Variants in ZNF800 observed in about 807,000 individuals in gnomAD.
ZNF800 encodes zinc finger protein 800.
A neutral mutation model predicts 59.5 loss-of-function variants in ZNF800; 13 were observed. The observed-to-expected ratio is 0.22, with a 90% CI of 0.14 to 0.35. The LOEUF (loss-of-function observed/expected upper bound fraction) is 0.35. Ranked by LOEUF, ZNF800 falls within the 10% of genes least tolerant of loss-of-function variation. The pLI is 1.00. For missense variants in ZNF800, 621 were observed against 783.7 expected (o/e 0.79, Z 2.48); for synonymous variants, 266 against 265.7 (o/e 1.00, Z -0.01).
intron 1 of ZNF800, chr7:127,351,323 T>C (rs183992432): frequency 9.8e-5 from 15 of 152,384 alleles, no homozygotes; most frequent in Admixed American, 3.9e-4. Context: ...GTCTCTTTCA[T>C]TAAGCTTTCC....
chr7:127,391,971 T>C (rs1298052530), intron 1 of ZNF800, 89 bp downstream of exon 1: 1 of 380,246 alleles, frequency 2.6e-6, no homozygotes, highest in Admixed American at 4.5e-5. Flanking sequence ...CGCCGGCTGC[T>C]GGCCCACGCC....
chr7:127,384,257 A>T (rs17864208), intron 3 of ZNF800, among the ~76,000 whole-genome samples: 1 of 37,818 alleles, frequency 2.6e-5, no homozygotes, highest in East Asian at 3.5e-3. Context: ...TTTTTTAGAC[A>T]GAGTCTCACT....
chr7:127,364,872 G>A (rs1448933601), intron 1 of ZNF800: 1 of 152,110 alleles, frequency 6.6e-6, no homozygotes, highest in Non-Finnish European at 1.5e-5. Context: ...AGGAAGCAAA[G>A]ATGGGGTTGA....
intron 2 of ZNF800, among the ~76,000 whole-genome samples, chr7:127,390,364 A>C (rs1801271901): frequency 6.6e-6 from 1 of 152,184 alleles, no homozygotes; most frequent in South Asian, 2.1e-4. Flanking sequence ...GTTCAATAGA[A>C]ACTGGATCCC....
chr7:127,375,585 G>C (rs1442439542), intron 4 of ZNF800, among the ~76,000 whole-genome samples: 1 of 152,034 alleles, frequency 6.6e-6, no homozygotes, highest in African/African-American at 2.4e-5. Context: ...ATGATGTGTA[G>C]AAGTATTTGC....
At chr7:127,360,110 T>C (rs891040094) in intron 1 of ZNF800, 5 of 152,030 alleles carry the variant, frequency 3.3e-5, no homozygotes, top group African/African-American at 1.2e-4. Flanking sequence ...CATATATATG[T>C]TAAGGTTTGA....
At chr7:127,386,178 C>T in intron 2 of ZNF800, 23 bp from the exon 3 acceptor site, 2 of 1,411,602 alleles carry the variant, frequency 1.4e-6, no homozygotes, top group Middle Eastern at 1.8e-4. Flanking sequence ...CAAACACCCA[C>T]CCCAATCCCC....
At chr7:127,391,407 C>G in intron 2 of ZNF800, 90 bp downstream of exon 2, 1 of 1,262,794 alleles carries the variant, frequency 7.9e-7, no homozygotes, top group Admixed American at 1.7e-5. Flanking sequence ...AGAATGACTA[C>G]TGGGGCAGGA....
Position 127,373,547 on chromosome 7 carries a change from T to A in ZNF800, c.1789A>T (p.Ser597Cys). 1 of 1,614,186 alleles carries A rather than the reference T, an allele frequency of 6.2e-7. No homozygotes were observed. The highest frequency in any genetic ancestry group is 2.2e-5 in the East Asian group (1 of 44,878). ...SKHDGTSNSP[S>C]KKYEVADVGI... ...ACGTCAGCTACTTCATACTTTTTAC[T>A]AGGAGAGTTAGAAGTGCCATCATGT... is the stretch of plus-strand genomic sequence containing the variant. Residue 597 changes from serine (S) to cysteine (C), a missense_variant, in exon 5 of 6, where the codon AGT (serine) becomes TGT (cysteine). By Grantham distance (112) the Ser-to-Cys change is moderately radical (BLOSUM62 -1). Coordinates refer to ENST00000265827, the MANE Select transcript of ZNF800 (RefSeq NM_176814.5).
intron 1 of ZNF800, among the ~76,000 whole-genome samples, chr7:127,354,729 T>C (rs1800234749): frequency 1.3e-5 from 2 of 152,252 alleles, no homozygotes; most frequent in African/African-American, 4.8e-5. Flanking sequence ...CTTTAAGAGA[T>C]AGCTGGCTTC....
intron 3 of ZNF800, among the ~76,000 whole-genome samples, chr7:127,384,140 A>G (rs1038870443): frequency 1.3e-5 from 2 of 149,556 alleles, no homozygotes; most frequent in Non-Finnish European, 3.0e-5. Flanking sequence ...TTAATTCTGT[A>G]CCCACACAGA....
intron 1 of ZNF800, among the ~76,000 whole-genome samples, chr7:127,358,962 A>C (rs186129056): frequency 2.6e-4 from 39 of 152,276 alleles, no homozygotes; most frequent in Admixed American, 1.1e-3. Context: ...TATTATTACT[A>C]ATCTGTCCCC....
In ZNF800 at chr7:127,373,990, T is replaced by G. The variant is rs748580799; in HGVS notation, c.1346A>C (p.Asn449Thr). 1.9e-6 allele frequency: 3 copies of G among 1,613,748 alleles called. No individual in the cohort carries two copies. The Admixed American group carries it at 5.0e-5, about 27-fold the overall frequency. The change falls in exon 5 of 6, where the codon AAT becomes ACT. Residue 449 changes from asparagine to threonine, a missense_variant. By Grantham distance (65) the Asn-to-Thr change is moderately conservative. Around this residue, in one of 7 missense-constraint regions of ZNF800, gnomAD observed 185 missense variants for 177.6 expected, o/e 1.04. Transcript: ENST00000265827. ...EKKNTPAAQK[N>T]KVKQDSESPK... Reference sequence around the variant, plus strand: ...GCTTTCAGAGTCTTGTTTAACTTTATTTTTCTGTGCTGCCGGTGTGTTCTT... The same window carrying G: ...GCTTTCAGAGTCTTGTTTAACTTTAGTTTTCTGTGCTGCCGGTGTGTTCTT...
rs1032895521 is a variant in ZNF800, at chr7:127,374,010, GTTC to G, written c.1323_1325del (p.Lys441del). 2 of 1,613,834 alleles carry G rather than the reference GTTC, an allele frequency of 1.2e-6. No homozygotes were observed. The highest frequency in any genetic ancestry group is 1.7e-6 in the Non-Finnish European group (2 of 1,180,004). On this transcript the variant is annotated inframe_deletion, in exon 5 of 6. Transcript: ENST00000265827. ...CTTTATTTTTCTGTGCTGCCGGTGT[GTTC>G]TTTTTTTCATTTGAATGATTTGTTC... is the stretch of plus-strand genomic sequence containing the variant.
chr7:127,376,532 TTA>T (rs1011496414), intron 4 of ZNF800, among the ~76,000 whole-genome samples: 2 of 151,930 alleles, frequency 1.3e-5, no homozygotes, highest in Admixed American at 1.3e-4. Flanking sequence ...CAGAAAGACT[TTA>T]TATTAGTCTG....
downstream of ZNF800, among the ~76,000 whole-genome samples, chr7:127,344,231 T>C (rs890462431): frequency 1.3e-5 from 2 of 151,902 alleles, no homozygotes; most frequent in Admixed American, 6.6e-5. Flanking sequence ...AATAAATAGC[T>C]TGACCCCAGA....
intron 2 of ZNF800, among the ~76,000 whole-genome samples, chr7:127,386,465 A>G (rs1801141772): frequency 6.6e-6 from 1 of 152,224 alleles, no homozygotes; most frequent in Admixed American, 6.5e-5. Context: ...TACATTCTTC[A>G]TGTTTGCCTT....
At chr7:127,353,433 G>A (rs1800208130) in intron 1 of ZNF800, among the ~76,000 whole-genome samples, 1 of 152,150 alleles carries the variant, frequency 6.6e-6, no homozygotes. Flanking sequence ...TAAAAGCTGT[G>A]CTAAAGCTAT....
intron 1 of ZNF800, among the ~76,000 whole-genome samples, chr7:127,351,205 T>C (rs539731979): frequency 3.9e-4 from 60 of 152,318 alleles, no homozygotes; most frequent in Non-Finnish European, 4.4e-5. Context: ...CACTATTGTT[T>C]CCCACCTCTG....
Sources: gnomAD v4.1 joint callset for allele counts (sites outside exome capture counted in the v4.1 genomes callset) on GRCh38, gnomAD v4.1.1 for gene constraint, gnomAD v4.1.1 regional missense constraint, MANE v1.5 for transcripts, NCBI Gene and HGNC (gene_info 2026-07-23, HGNC 2026-07-21) for gene names.